The following NPFFR2 variants were observed in gnomAD, a reference collection of about 807,000 sequenced individuals.
The protein encoded by NPFFR2 is neuropeptide FF receptor 2.
A neutral mutation model predicts 13.1 loss-of-function variants in NPFFR2; 15 were observed. The ratio of observed to expected loss-of-function variants is 1.15; its 90% CI spans 0.77 to 1.76. The LOEUF is 1.76. Among genes scored for constraint, NPFFR2 ranks in the 40% most tolerant of loss-of-function variants. The pLI is 0.00. For synonymous variants in NPFFR2, 190 were observed against 175.7 expected (o/e 1.08, Z -0.65); for missense variants, 572 against 503.5 (o/e 1.14, Z -1.30).
chr4:72,112,411 T>G (rs1721588915), intron 1 of NPFFR2, among the ~76,000 whole-genome samples: 1 of 151,956 alleles, frequency 6.6e-6, no homozygotes, highest in South Asian at 2.1e-4. Context: ...CTTTTTCTCT[T>G]CATGGTCCTT....
chr4:72,145,276 TATAA>T (rs1377754026), intron 3 of NPFFR2, among the ~76,000 whole-genome samples: 3 of 145,672 alleles, frequency 2.1e-5, no homozygotes, highest in Admixed American at 2.1e-4. Context: ...TTGTTATAAA[TATAA>T]ATATATAAAT....
chr4:72,083,681 A>G (rs967442302), intron 1 of NPFFR2, among the ~76,000 whole-genome samples: 4 of 152,014 alleles, frequency 2.6e-5, no homozygotes, highest in African/African-American at 4.8e-5. Flanking sequence ...CCTTCTTTTC[A>G]TAGGTGATGT....
At chr4:72,130,498 A>G (rs1223418985) in intron 2 of NPFFR2, among the ~76,000 whole-genome samples, 7 of 152,154 alleles carry the variant, frequency 4.6e-5, no homozygotes, top group Non-Finnish European at 1.0e-4. Context: ...CCACAGAAGT[A>G]CTTTACCTTA....
intron 1 of NPFFR2, among the ~76,000 whole-genome samples, chr4:72,058,396 G>T (rs1345797380): frequency 3.4e-5 from 1 of 29,164 alleles, no homozygotes. Flanking sequence ...AAAATAAAAA[G>T]TAAAAAAAAA....
chr4:72,112,688 GTCATATGTC>G (rs1721600176), intron 1 of NPFFR2, among the ~76,000 whole-genome samples: 1 of 151,924 alleles, frequency 6.6e-6, no homozygotes, highest in Admixed American at 6.6e-5. Flanking sequence ...ACACTTGTGA[GTCATATGTC>G]TCATATGTCT....
At position 72,040,927 on chromosome 4, in the gene NPFFR2, A is replaced by AATATATATATAT. The variant is rs61548490; in HGVS notation, c.-8+8732_-8+8743dup. The stretch of plus-strand genomic sequence containing the variant: ...TGCTACATTTTAGTCACTGCTGTAA[A>AATATATATATAT]ATATATATATATATATTCATTTTAA... On this transcript the variant is annotated intron_variant, in intron 1 of 3. Transcript: ENST00000308744. 8.7e-4 allele frequency among the ~76,000 whole-genome samples: 127 copies of AATATATATATAT among 146,798 alleles called. 1 individual carries two copies. The East Asian group carries it at 9.7e-3, about 11-fold the overall frequency.
chr4:72,075,018 A>C (rs1720384138), intron 1 of NPFFR2, among the ~76,000 whole-genome samples: 1 of 152,126 alleles, frequency 6.6e-6, no homozygotes, highest in African/African-American at 2.4e-5. Context: ...TGTCAATTTG[A>C]TTGGATTGAC....
chr4:72,077,232 A>C (rs1385854374), intron 1 of NPFFR2, among the ~76,000 whole-genome samples: 6 of 152,088 alleles, frequency 3.9e-5, no homozygotes, highest in Non-Finnish European at 5.9e-5. Context: ...AACCCTGTAC[A>C]TTACACTGGA....
Position 72,147,564 on chromosome 4 carries a change from A to G in NPFFR2, c.1015A>G (p.Asn339Asp), listed in dbSNP as rs369247696. 9.9e-6 allele frequency: 16 copies of G among 1,614,040 alleles called. No homozygotes were observed. The highest frequency in any genetic ancestry group is 1.6e-4 in the Middle Eastern group (1 of 6,084). ...CATCATTTATGGTTTCTTCAACGAG[A>G]ATTTCCGCCGTGGTTTCCAAGAAGC... is the stretch of plus-strand genomic sequence containing the variant. ...NPIIYGFFNE[N>D]FRRGFQEAFQ... The change falls in exon 4 of 4, where the codon AAT (asparagine) becomes GAT (aspartate). Residue 339 changes from asparagine (N) to aspartate (D), a missense_variant. Transcript: ENST00000308744.
intron 1 of NPFFR2, among the ~76,000 whole-genome samples, chr4:72,113,769 T>C (rs1721633855): frequency 6.6e-6 from 1 of 152,098 alleles, no homozygotes; most frequent in African/African-American, 2.4e-5. Flanking sequence ...ACCAGTTCCC[T>C]GGCACTTTCC....
chr4:72,052,993 G>A (rs1719633983), intron 1 of NPFFR2, among the ~76,000 whole-genome samples: 1 of 151,842 alleles, frequency 6.6e-6, no homozygotes, highest in South Asian at 2.1e-4. Context: ...CTGCCTTTCT[G>A]GACCAGCCAG....
chr4:72,124,337 G>C (rs1200745024), intron 1 of NPFFR2, among the ~76,000 whole-genome samples: 1 of 152,100 alleles, frequency 6.6e-6, no homozygotes, highest in African/African-American at 2.4e-5. Flanking sequence ...GTATTTTATA[G>C]AGTCAATGCT....
intron 1 of NPFFR2, among the ~76,000 whole-genome samples, chr4:72,112,872 G>A (rs190791818): frequency 9.9e-5 from 15 of 151,700 alleles, no homozygotes; most frequent in Admixed American, 5.3e-4. Flanking sequence ...TACTTTTACC[G>A]GTTATATAGA....
intron 1 of NPFFR2, among the ~76,000 whole-genome samples, chr4:72,072,426 A>T (rs942167514): frequency 1.3e-5 from 2 of 152,152 alleles, no homozygotes; most frequent in African/African-American, 4.8e-5. Context: ...AAAATAACTG[A>T]AATGAATAGT....
At chr4:72,074,619 G>T (rs1397574179) in intron 1 of NPFFR2, among the ~76,000 whole-genome samples, 1 of 152,020 alleles carries the variant, frequency 6.6e-6, no homozygotes, top group African/African-American at 2.4e-5. Flanking sequence ...TATGGGTAAA[G>T]GGGGACTACT....
intron 1 of NPFFR2, among the ~76,000 whole-genome samples, chr4:72,091,744 CT>C: frequency 6.6e-6 from 1 of 152,170 alleles, no homozygotes; most frequent in East Asian, 1.9e-4. Context: ...GTTAGTCTCA[CT>C]AATGTTCTAT....
intron 1 of NPFFR2, among the ~76,000 whole-genome samples, chr4:72,046,770 G>GGA (rs755247015): frequency 6.6e-6 from 1 of 152,178 alleles, no homozygotes; most frequent in Non-Finnish European, 1.5e-5. Flanking sequence ...CCAAACAAGA[G>GGA]GAGAGCTGTA....
At chr4:72,117,446 A>G (rs1037511995) in intron 1 of NPFFR2, among the ~76,000 whole-genome samples, 10 of 152,188 alleles carry the variant, frequency 6.6e-5, no homozygotes, top group Admixed American at 1.3e-4. Context: ...GTGTAAATAT[A>G]TCAATCACAG....
At chr4:72,099,935 G>T (rs1296909892) in intron 1 of NPFFR2, among the ~76,000 whole-genome samples, 1 of 151,974 alleles carries the variant, frequency 6.6e-6, no homozygotes, top group African/African-American at 2.4e-5. Context: ...AGTGGTCTTG[G>T]CATTGACCCA....
Sources: allele counts gnomAD v4.1 joint callset (sites outside exome capture counted in the v4.1 genomes callset), GRCh38; gene constraint gnomAD v4.1.1; transcripts MANE v1.5; gene names NCBI Gene and HGNC (gene_info 2026-07-23, HGNC 2026-07-21).